IL17RE: variants seen among roughly 807,000 people sequenced by gnomAD.
The protein encoded by IL17RE is interleukin-17 receptor E.
A neutral mutation model predicts 70.7 loss-of-function variants in IL17RE; 47 were observed. That is an observed-to-expected ratio of 0.67 (90% CI 0.53 to 0.85). IL17RE has a LOEUF of 0.85. IL17RE is among the 40% of genes least tolerant of loss of function. IL17RE has a pLI of 0.00. For missense variants in IL17RE, 850 were observed against 893.9 expected, an observed-to-expected ratio of 0.95 and a Z score of 0.63; for synonymous variants, 372 against 381.2, an observed-to-expected ratio of 0.98 and a Z score of 0.28.
chr3:9,902,510 C>CGA (rs967866957), upstream of IL17RE: 42 of 974,830 alleles, frequency 4.3e-5, no homozygotes, highest in Non-Finnish European at 6.1e-5. Flanking sequence ...GGCTAATTCT[C>CGA]TAAGTGAGGG....
rs1042230562 is a variant in IL17RE, at chr3:9,904,206, C to T, written c.268+55C>T. On this transcript the variant is annotated intron_variant, in intron 3 of 15. Transcript: ENST00000383814. The stretch of plus-strand genomic sequence containing the variant: ...CAGTGAAGAGAACATTTTGAGGGAC[C>T]ACCTAGGCTGAGCAAGTGGGACTTA... 4.4e-6 allele frequency: 7 copies of T among 1,596,670 alleles called. No individual in the cohort carries two copies. In the African/African-American group the frequency reaches 8.0e-5, roughly 18 times the overall value.
Position 9,915,609 on chromosome 3 carries a change from C to T in IL17RE, c.1806C>T (p.Asp602=). 7.1e-7 allele frequency: 1 copy of T among 1,418,112 alleles called. No individual in the cohort carries two copies. The highest frequency in any genetic ancestry group is 9.2e-7 in the Non-Finnish European group (1 of 1,089,196). 87.8% of individuals were successfully genotyped at this position (1,418,112 alleles called of 1,614,324 possible). A position where few individuals can be genotyped will look rare whatever the true frequency, so the allele number is the denominator to read the frequency against. The part of the protein sequence containing the change: ...AYFSRLCAKG[D]IPPPLRALPR... ...TCAGTCGCCTCTGCGCCAAGGGCGA[C>T]ATCCCCCCGCCGCTGCGCGCCCTGC... The change falls in exon 16 of 16, where the codon GAC becomes GAT. Residue 602 remains aspartate (D), a synonymous_variant. Coordinates refer to ENST00000383814, the MANE Select transcript of IL17RE (RefSeq NM_153480.2). This position sits in a 1 kb window ranked among gnomAD's most constrained non-coding sequence, Gnocchi z 4.9.
Position 9,903,064 on chromosome 3 carries a change from G to T in IL17RE, c.132G>T (p.Thr44=). The T allele has an allele frequency of 6.2e-7, 1 of 1,613,224 alleles. No homozygotes were observed. Among genetic ancestry groups the T allele is most frequent in the Non-Finnish European group, 8.5e-7 (1 of 1,179,234 alleles). ...CCCGCTGTCCTCTGGCCTCCCACACGGTAAGGTGCTGCTGCCAGGTAGGGA... is the reference window on the plus strand; with the variant it reads ...CCCGCTGTCCTCTGGCCTCCCACACTGTAAGGTGCTGCTGCCAGGTAGGGA... ...WNTRCPLASH[T]DDSFTGSSAY... is the part of the protein sequence containing the mutation. The change falls in exon 1 of 16, where the codon ACG becomes ACT. Residue 44 remains threonine (T), a splice_region_variant and synonymous_variant. Transcript: ENST00000383814.
intron 3 of IL17RE, among the ~76,000 whole-genome samples, chr3:9,905,086 C>A (rs1359921969): frequency 8.0e-6 from 1 of 125,356 alleles, no homozygotes; most frequent in African/African-American, 3.4e-5. Flanking sequence ...CAGTGTGAGA[C>A]CCTGTCTCAA....
rs2083059704 is a variant in IL17RE at position 9,916,084 on chromosome 3, G to A, written c.*277G>A. ...CTTCCTCTCCAGAACTCCAGAAAGA[G>A]CAGTGTGCTTATGCTTCAGTCCAGG... On this transcript the variant is annotated 3_prime_UTR_variant, in exon 16 of 16. Transcript: ENST00000383814. The A allele has an allele frequency of 7.5e-6, 3 of 400,608 alleles. No homozygotes were observed. The highest frequency in any genetic ancestry group is 2.1e-5 in the African/African-American group (1 of 47,934). 24.8% of individuals were successfully genotyped at this position (400,608 alleles called of 1,614,324 possible). A position where few individuals can be genotyped will look rare whatever the true frequency, so the allele number is the denominator to read the frequency against.
chr3:9,903,648 A>G (rs1243301042), intron 2 of IL17RE, among the ~76,000 whole-genome samples: 1 of 152,202 alleles, frequency 6.6e-6, no homozygotes, highest in Non-Finnish European at 1.5e-5. Flanking sequence ...GGGTAGTAGC[A>G]TAGTAGAAAT....
Position 9,915,490 on chromosome 3 carries a change from G to A in IL17RE, c.1687G>A (p.Asp563Asn). Reference sequence around the variant, plus strand: ...TGTGCTGCTGCTGTGGAGCGGCGCCGACCTTCGCCCGGTCAGCGGCCCCGA... The same window carrying A: ...TGTGCTGCTGCTGTGGAGCGGCGCCAACCTTCGCCCGGTCAGCGGCCCCGA... ...GTVLLLWSGA[D>N]LRPVSGPDPR... Residue 563 changes from aspartate to asparagine, a missense_variant, in exon 16 of 16, where the codon GAC (aspartate) becomes AAC (asparagine). Asp to Asn is a conservative substitution (Grantham distance 23, BLOSUM62 1). Coordinates refer to ENST00000383814, the MANE Select transcript of IL17RE (RefSeq NM_153480.2). This position sits in a 1 kb window ranked among gnomAD's most constrained non-coding sequence, Gnocchi z 4.9. 1 of 1,314,452 alleles carries A rather than the reference G, an allele frequency of 7.6e-7. No individual in the cohort carries two copies. The highest frequency in any genetic ancestry group is 9.6e-7 in the Non-Finnish European group (1 of 1,040,606). The allele number at this position is 1,314,452 out of a possible 1,614,324, so 81.4% of individuals were successfully genotyped here. A position where few individuals can be genotyped will look rare whatever the true frequency, so the allele number is the denominator to read the frequency against.
chr3:9,902,853 C>G lies in IL17RE; in HGVS notation c.-80C>G. ...CGAGGGCTCCTGCTGGTACTGTGTT[C>G]GCTGCTGCACAGCAAGGCCCTGCCA... On this transcript the variant is annotated 5_prime_UTR_variant, in exon 1 of 16. Coordinates refer to ENST00000383814, the MANE Select transcript of IL17RE (RefSeq NM_153480.2). 6.2e-7 allele frequency: 1 copy of G among 1,609,904 alleles called. No individual in the cohort carries two copies. Among genetic ancestry groups the G allele is most frequent in the Non-Finnish European group, 8.5e-7 (1 of 1,178,274 alleles).
At chr3:9,905,094 CAAAAAAA>C (rs71626946) in intron 3 of IL17RE, among the ~76,000 whole-genome samples, 2 of 56,158 alleles carry the variant, frequency 3.6e-5, no homozygotes, top group South Asian at 9.4e-4. Flanking sequence ...GACCCTGTCT[CAAAAAAA>C]AAAAAAAAAA....
In IL17RE at chr3:9,914,763, G is replaced by T. The variant is rs555705554; in HGVS notation, c.1433G>T (p.Arg478Leu). Residue 478 changes from arginine (R) to leucine (L), a missense_variant, in exon 15 of 16, where the codon CGG (arginine) becomes CTG (leucine). Coordinates refer to ENST00000383814, the MANE Select transcript of IL17RE (RefSeq NM_153480.2). ...LLGVVLALTC[R>L]RPQSGPGPAR... The stretch of plus-strand genomic sequence containing the variant: ...GGTGTTGTTCTGGCCCTCACCTGCC[G>T]GCGCCCACAGTCAGGTAAGCTCACC... 1 of 1,613,696 alleles carries T rather than the reference G, an allele frequency of 6.2e-7. No individual in the cohort carries two copies. The highest frequency in any genetic ancestry group is 1.3e-5 in the African/African-American group (1 of 75,020).
In IL17RE at chr3:9,911,018, C is replaced by T. The variant is rs2082878254; in HGVS notation, c.956C>T (p.Ala319Val). ...ACCCTTTGCAAAGACCTCCCGAATGCCACAGCTCGAGAGTCAGATGGGGTG... is the reference window on the plus strand; with the variant it reads ...ACCCTTTGCAAAGACCTCCCGAATGTCACAGCTCGAGAGTCAGATGGGGTG... ...WHTLCKDLPN[A>V]TARESDGWYV... is the part of the protein sequence containing the mutation. Residue 319 changes from alanine to valine, a missense_variant, in exon 9 of 16, where the codon GCC becomes GTC. By Grantham distance (64) the Ala-to-Val change is moderately conservative. Coordinates refer to ENST00000383814, the MANE Select transcript of IL17RE (RefSeq NM_153480.2). 3 of 1,614,184 alleles carry T rather than the reference C, an allele frequency of 1.9e-6. No homozygotes were observed. The highest frequency in any genetic ancestry group is 1.7e-6 in the Non-Finnish European group (2 of 1,180,022).
At chr3:9,904,340 T>G (rs978520001) in intron 3 of IL17RE, among the ~76,000 whole-genome samples, 189 bp downstream of exon 3, 2 of 32,418 alleles carry the variant, frequency 6.2e-5, no homozygotes, top group African/African-American at 3.5e-4. Flanking sequence ...TTATGAAGGT[T>G]TTTTTTCAGC....
rs756019365 is a variant in IL17RE at position 9,903,400 on chromosome 3, G to A, written c.136G>A (p.Asp46Asn). ...CCTACTGGGCCCTGTGCCTCAGGAT[G>A]ACAGTTTCACTGGTGAGTCGCATTT... ...TRCPLASHTD[D>N]SFTGSSAYIP... The change falls in exon 2 of 16, where the codon GAC becomes AAC. Residue 46 changes from aspartate (D) to asparagine (N), a missense_variant. Physicochemically the swap from Asp to Asn is conservative, Grantham distance 23. Transcript: ENST00000383814. 2 of 1,614,068 alleles carry A rather than the reference G, an allele frequency of 1.2e-6. No homozygotes were observed. The highest frequency in any genetic ancestry group is 4.5e-5 in the East Asian group (2 of 44,878).
chr3:9,908,180 C>G lies in IL17RE; in HGVS notation c.667-59C>G. ...GATCCCAGCACTGTTCTGCCCTTGT[C>G]TATGTGCCCATGCTCTTTCTCAGGC... On this transcript the variant is annotated intron_variant, in intron 6 of 15. Transcript: ENST00000383814. The G allele has an allele frequency of 5.6e-6, 8 of 1,418,820 alleles. No homozygotes were observed. The South Asian group carries it at 9.2e-5, about 16-fold the overall frequency. 87.9% of individuals were successfully genotyped at this position (1,418,820 alleles called of 1,614,324 possible).
At position 9,915,685 on chromosome 3, in the gene IL17RE, G is replaced by T. The variant is rs916614115; in HGVS notation, c.1882G>T (p.Ala628Ser). Reference protein sequence around the residue: ...DLPRLLRALDARPFAEATSWG... With the variant: ...DLPRLLRALDSRPFAEATSWG... ...GCCGCGTCTGCTGCGGGCGCTGGAC[G>T]CGCGGCCTTTCGCAGAGGCCACCAG... Residue 628 changes from alanine (A) to serine (S), a missense_variant, in exon 16 of 16, where the codon GCG becomes TCG. Transcript: ENST00000383814. This position sits in a 1 kb window ranked among gnomAD's most constrained non-coding sequence, Gnocchi z 4.9. 1.4e-6 allele frequency: 2 copies of T among 1,387,330 alleles called. No individual in the cohort carries two copies. Among genetic ancestry groups the T allele is most frequent in the African/African-American group, 3.0e-5 (2 of 65,912 alleles). The allele number at this position is 1,387,330 out of a possible 1,614,324, so 85.9% of individuals were successfully genotyped here.
chr3:9,909,270 C>G lies in IL17RE; in HGVS notation c.789C>G (p.Ser263Arg), dbSNP rs769976185. 1 of 1,614,026 alleles carries G rather than the reference C, an allele frequency of 6.2e-7. No homozygotes were observed. The highest frequency in any genetic ancestry group is 1.1e-5 in the South Asian group (1 of 91,024). ...TVRRKKCPFQSWPEAYGSDFW... is the reference protein window; with the variant it reads ...TVRRKKCPFQRWPEAYGSDFW... ...GGCGCAAAAAATGTCCCTTCCAGAG[C>G]TGGCCAGAAGCCTGTGAGTGCTGTT... The change falls in exon 8 of 16, where the codon AGC becomes AGG. Residue 263 changes from serine to arginine, a missense_variant. Transcript: ENST00000383814.
intron 3 of IL17RE, among the ~76,000 whole-genome samples, chr3:9,904,711 C>T (rs1267299611): frequency 6.6e-6 from 1 of 152,128 alleles, no homozygotes; most frequent in African/African-American, 2.4e-5. Context: ...CACTTGAACC[C>T]AGGAGGTGGA....
chr3:9,915,757 C>T lies in IL17RE; in HGVS notation c.1954C>T (p.Leu652=), dbSNP rs774228808. ...ARQRRQSRLE[L]CSRLEREAAR... ...GCAGCGCAGGCAGAGCCGCCTAGAGCTGTGCAGCCGGCTCGAACGAGAGGC... is the reference window on the plus strand; with the variant it reads ...GCAGCGCAGGCAGAGCCGCCTAGAGTTGTGCAGCCGGCTCGAACGAGAGGC... The change falls in exon 16 of 16, where the codon CTG becomes TTG. Residue 652 remains leucine, a synonymous_variant. Transcript: ENST00000383814. This position sits in a 1 kb window ranked among gnomAD's most constrained non-coding sequence, Gnocchi z 4.9. 6.6e-7 allele frequency: 1 copy of T among 1,526,374 alleles called. No individual in the cohort carries two copies. The highest frequency in any genetic ancestry group is 1.2e-5 in the South Asian group (1 of 83,218). 94.6% of individuals were successfully genotyped at this position (1,526,374 alleles called of 1,614,324 possible).
In IL17RE at chr3:9,915,636, G is replaced by A; in HGVS notation, c.1833G>A (p.Pro611=). 3 of 1,412,132 alleles carry A rather than the reference G, an allele frequency of 2.1e-6. No individual in the cohort carries two copies. The highest frequency in any genetic ancestry group is 2.8e-6 in the Non-Finnish European group (3 of 1,088,170). The allele number at this position is 1,412,132 out of a possible 1,614,324, so 87.5% of individuals were successfully genotyped here. Residue 611 remains proline, a synonymous_variant, in exon 16 of 16, where the codon CCG becomes CCA. Coordinates refer to ENST00000383814, the MANE Select transcript of IL17RE (RefSeq NM_153480.2). The surrounding 1 kb of genome is among the most constrained non-coding windows in gnomAD (Gnocchi z 4.9). ...TCCCCCCGCCGCTGCGCGCCCTGCC[G>A]CGCTACCGCCTGCTGCGCGACCTGC... ...GDIPPPLRAL[P]RYRLLRDLPR... is the part of the protein sequence containing the mutation.
Sources: gnomAD v4.1 joint callset for allele counts (sites outside exome capture counted in the v4.1 genomes callset) on GRCh38, gnomAD v4.1.1 for gene constraint, Gnocchi (gnomAD v3.1) non-coding constraint, MANE v1.5 for transcripts, NCBI Gene and HGNC (gene_info 2026-07-23, HGNC 2026-07-21) for gene names.